The following CLEC4A variants were observed in gnomAD, a reference collection of about 807,000 sequenced individuals.
The protein encoded by CLEC4A is C-type lectin domain family 4 member A, also known as C-type (calcium dependent, carbohydrate-recognition domain) lectin, superfamily member 6.
In CLEC4A, 27 loss-of-function variants were observed where a neutral mutation model predicts 32.7. The ratio of observed to expected loss-of-function variants is 0.83; its 90% CI spans 0.61 to 1.14. The LOEUF (loss-of-function observed/expected upper bound fraction) is 1.14. Ranked by LOEUF, CLEC4A falls within the 50% of genes most tolerant of loss-of-function variation. CLEC4A has a pLI of 0.00. For synonymous variants in CLEC4A, 89 were observed against 93.7 expected (o/e 0.95, Z 0.29); for missense variants, 253 against 274.6 (o/e 0.92, Z 0.55).
rs745497092 is a variant in CLEC4A, at chr12:8,138,188, GC to G, written c.616del (p.Leu206Ter). 106 of 1,614,034 alleles carry G rather than the reference GC, an allele frequency of 6.6e-5. No homozygotes were observed. The highest frequency in any genetic ancestry group is 3.3e-4 in the Admixed American group (20 of 59,986). On this transcript the variant is annotated frameshift_variant, in exon 6 of 6. Coordinates refer to ENST00000229332, the MANE Select transcript of CLEC4A (RefSeq NM_016184.4). LOFTEE classifies it high-confidence loss of function. The part of the protein sequence containing the change: ...PSDPNERCVV[L>X]NFRKSPKRWG... The stretch of plus-strand genomic sequence containing the variant: ...GTGATCCCAATGAGCGCTGCGTTGT[GC>G]TAAATTTTCGTAAATCACCCAAAAG...
In CLEC4A at chr12:8,124,954, T is replaced by G. The variant is rs181681533; in HGVS notation, c.83-607T>G. 2.6e-5 allele frequency among the ~76,000 whole-genome samples: 4 copies of G among 152,282 alleles called. No homozygotes were observed. The East Asian group carries it at 5.8e-4, about 22-fold the overall frequency. The stretch of plus-strand genomic sequence containing the variant: ...TCATATTATATAATACTGAATTTTT[T>G]TCCCCCATCATTTGACAAAATATCA... On this transcript the variant is annotated intron_variant, in intron 1 of 5. Coordinates refer to ENST00000229332, the MANE Select transcript of CLEC4A (RefSeq NM_016184.4).
At chr12:8,114,319 A>ACTGCAAGCTCTGCCTCC in the CLEC4A span, among the ~76,000 whole-genome samples, 7 of 151,534 alleles carry the variant, frequency 4.6e-5, no homozygotes, top group Admixed American at 4.6e-4. Flanking sequence ...ATCTCGGCTC[A>ACTGCAAGCTCTGCCTCC]CTGCAAGCTC....
chr12:8,135,841 A>C, intron 4 of CLEC4A, 105 bp downstream of exon 4: 1 of 1,173,224 alleles, frequency 8.5e-7, no homozygotes, highest in South Asian at 1.6e-5. Context: ...GCGCTGTGGC[A>C]GAAGGCTTTC....
intron 2 of CLEC4A, among the ~76,000 whole-genome samples, chr12:8,127,301 C>T (rs142701664): frequency 7.6e-4 from 115 of 152,284 alleles, no homozygotes; most frequent in African/African-American, 2.7e-3. Flanking sequence ...AGACTGAGAG[C>T]GGAAGTAAGC....
the CLEC4A span, among the ~76,000 whole-genome samples, chr12:8,109,262 C>A: frequency 1.3e-5 from 2 of 151,990 alleles, no homozygotes; most frequent in Non-Finnish European, 2.9e-5. Context: ...ACCAAATGAT[C>A]CCTTCTTCAT....
the CLEC4A span, among the ~76,000 whole-genome samples, chr12:8,106,908 A>G: frequency 2.0e-5 from 3 of 152,070 alleles, no homozygotes; most frequent in Admixed American, 6.5e-5. Context: ...TTCCAGTACT[A>G]TGTTGCATAG....
chr12:8,138,073 C>A (rs1326133065), intron 5 of CLEC4A, 67 bp from the exon 6 acceptor site: 7 of 1,533,910 alleles, frequency 4.6e-6, no homozygotes, highest in Non-Finnish European at 6.2e-6. Context: ...TCGCTCCTCA[C>A]CCCTGTCTCT....
the CLEC4A span, among the ~76,000 whole-genome samples, chr12:8,115,298 G>C: frequency 6.6e-6 from 1 of 152,170 alleles, no homozygotes; most frequent in Admixed American, 6.5e-5. Context: ...AAGTGCCCCA[G>C]ACATCAATCA....
At chr12:8,106,946 T>C in the CLEC4A span, among the ~76,000 whole-genome samples, 2 of 152,224 alleles carry the variant, frequency 1.3e-5, no homozygotes, top group African/African-American at 4.8e-5. Flanking sequence ...ATCCGTGTCT[T>C]GTTCCAGTTC....
chr12:8,127,365 C>G (rs1947918678), intron 2 of CLEC4A, among the ~76,000 whole-genome samples: 1 of 152,210 alleles, frequency 6.6e-6, no homozygotes, highest in Admixed American at 6.5e-5. Context: ...CCTGCACATT[C>G]TATTGGCCAA....
At chr12:8,107,767 TCTG>T in the CLEC4A span, among the ~76,000 whole-genome samples, 1 of 149,870 alleles carries the variant, frequency 6.7e-6, no homozygotes, top group Non-Finnish European at 1.5e-5. Context: ...ATATCGATCT[TCTG>T]CTTTTTTTTT....
At chr12:8,113,662 C>G in the CLEC4A span, among the ~76,000 whole-genome samples, 1 of 152,194 alleles carries the variant, frequency 6.6e-6, no homozygotes, top group Non-Finnish European at 1.5e-5. Context: ...ATCTGCTCAC[C>G]TTTCAGATTT....
intron 3 of CLEC4A, 127 bp downstream of exon 3, chr12:8,129,489 A>C (rs1241351447): frequency 7.7e-5 from 53 of 692,798 alleles, no homozygotes; most frequent in Non-Finnish European, 1.2e-4. Context: ...TTTAAGCTAC[A>C]AATGTACAAA....
the CLEC4A span, among the ~76,000 whole-genome samples, chr12:8,103,600 T>A: frequency 6.6e-6 from 1 of 152,118 alleles, no homozygotes; most frequent in East Asian, 1.9e-4. Flanking sequence ...TTAGCCAGGA[T>A]GGTCTTGATC....
intron 3 of CLEC4A, chr12:8,134,659 G>A (rs377004588): frequency 1.3e-6 from 2 of 1,589,102 alleles, no homozygotes; most frequent in African/African-American, 2.7e-5. Flanking sequence ...TCATACGGCG[G>A]GGGACATGGG....
chr12:8,112,604 T>C, the CLEC4A span, among the ~76,000 whole-genome samples: 3 of 152,092 alleles, frequency 2.0e-5, no homozygotes, highest in African/African-American at 4.8e-5. Context: ...TGTGTTGTCA[T>C]GTGTTTAAGT....
the CLEC4A span, among the ~76,000 whole-genome samples, chr12:8,111,330 C>T: frequency 6.6e-6 from 1 of 151,932 alleles, no homozygotes; most frequent in Admixed American, 6.6e-5. Context: ...CAGGCGTGCA[C>T]CACCACCTCC....
At chr12:8,111,945 G>GTC in the CLEC4A span, among the ~76,000 whole-genome samples, 8 of 149,054 alleles carry the variant, frequency 5.4e-5, no homozygotes, top group African/African-American at 2.0e-4. Flanking sequence ...GTGTGTGTGT[G>GTC]TGTGTGTGTG....
At chr12:8,119,843 C>T (rs1591604451), upstream of CLEC4A, among the ~76,000 whole-genome samples, 1 of 152,150 alleles carries the variant, frequency 6.6e-6, no homozygotes, top group African/African-American at 2.4e-5. Context: ...TTCAGGGGTT[C>T]CCAGGGGTGT....
Sources: gnomAD v4.1 joint callset for allele counts (sites outside exome capture counted in the v4.1 genomes callset) on GRCh38, gnomAD v4.1.1 for gene constraint, MANE v1.5 for transcripts, NCBI Gene and HGNC (gene_info 2026-07-23, HGNC 2026-07-21) for gene names.